ADCY2: variants seen among roughly 807,000 people sequenced by gnomAD.
ADCY2 encodes adenylate cyclase type 2.
In ADCY2, 31 loss-of-function variants were observed where a neutral mutation model predicts 125.2. The observed-to-expected ratio is 0.25, with a 90% CI of 0.19 to 0.33. The LOEUF is 0.33. Among genes scored for constraint, ADCY2 ranks in the 10% least tolerant of loss-of-function variants. ADCY2 has a pLI of 1.00. For missense variants in ADCY2, 904 were observed against 1,418.2 expected, an observed-to-expected ratio of 0.64 and a Z score of 5.82; for synonymous variants, 512 against 548.4, an observed-to-expected ratio of 0.93 and a Z score of 0.93.
At chr5:7,442,390 T>G (rs1561027711) in intron 2 of ADCY2, among the ~76,000 whole-genome samples, 1 of 152,190 alleles carries the variant, frequency 6.6e-6, no homozygotes, top group Admixed American at 6.5e-5. Context: ...GTACTGAATA[T>G]GTTCTGTAAA....
chr5:7,414,404 T>G (rs1234548793), intron 1 of ADCY2, among the ~76,000 whole-genome samples, 169 bp from the exon 2 acceptor site: 2 of 152,202 alleles, frequency 1.3e-5, no homozygotes, highest in Non-Finnish European at 2.9e-5. Context: ...TGCTTATTTA[T>G]TATGAAACTT....
intron 2 of ADCY2, among the ~76,000 whole-genome samples, chr5:7,431,003 G>A (rs1195962814): frequency 6.6e-6 from 1 of 152,090 alleles, no homozygotes; most frequent in Non-Finnish European, 1.5e-5. Context: ...TTGAGATTCA[G>A]TACAATCCTA....
intron 7 of ADCY2, among the ~76,000 whole-genome samples, chr5:7,703,401 A>G (rs1741154980): frequency 1.3e-5 from 2 of 152,298 alleles, no homozygotes; most frequent in Middle Eastern, 3.4e-3. Context: ...TAATTTTTGT[A>G]TAAGGTGTAA....
At chr5:7,622,453 G>A (rs1169216505) in intron 3 of ADCY2, among the ~76,000 whole-genome samples, 6 of 152,114 alleles carry the variant, frequency 3.9e-5, no homozygotes, top group Admixed American at 6.5e-5. Context: ...AAAGCCCTAC[G>A]TTGTATATTG....
intron 6 of ADCY2, among the ~76,000 whole-genome samples, chr5:7,696,328 A>C (rs1740891391): frequency 6.6e-6 from 1 of 152,132 alleles, no homozygotes; most frequent in Non-Finnish European, 1.5e-5. Context: ...CAAAGCCTTC[A>C]CTTACTCTTG....
chr5:7,436,256 A>C (rs966614761), intron 2 of ADCY2, among the ~76,000 whole-genome samples: 1 of 152,224 alleles, frequency 6.6e-6, no homozygotes. Flanking sequence ...TTCAGTGTCC[A>C]TGGCAACTTT....
chr5:7,582,916 C>G (rs1472266037), intron 3 of ADCY2, among the ~76,000 whole-genome samples: 1 of 152,006 alleles, frequency 6.6e-6, no homozygotes, highest in African/African-American at 2.4e-5. Flanking sequence ...GTAAAACTGT[C>G]TTTTTCATAG....
chr5:7,615,598 T>C (rs1737729112), intron 3 of ADCY2, among the ~76,000 whole-genome samples: 1 of 152,214 alleles, frequency 6.6e-6, no homozygotes, highest in Non-Finnish European at 1.5e-5. Flanking sequence ...GTATATTTAT[T>C]TACTTCATCA....
intron 2 of ADCY2, among the ~76,000 whole-genome samples, chr5:7,511,160 AAC>A (rs909204416): frequency 7.2e-5 from 11 of 152,242 alleles, no homozygotes; most frequent in African/African-American, 2.7e-4. Context: ...GACCCATCCC[AAC>A]AGTGTCCTTG....
At chr5:7,803,938 G>A (rs181559457) in intron 21 of ADCY2, among the ~76,000 whole-genome samples, 2,675 of 147,224 alleles carry the variant, frequency 0.018, 94 homozygotes, top group African/African-American at 0.063. Flanking sequence ...ATGTGTGTGT[G>A]TATATATATA....
At chr5:7,446,699 C>T (rs542662846) in intron 2 of ADCY2, among the ~76,000 whole-genome samples, 4 of 152,292 alleles carry the variant, frequency 2.6e-5, no homozygotes, top group East Asian at 3.9e-4. Context: ...TTCTTGGTCT[C>T]AGTTCTGCTG....
chr5:7,743,606 T>C lies in ADCY2; in HGVS notation c.1872-62T>C, dbSNP rs372576165. ...CTCGTTAACCCAAAAGTATTACTGG[T>C]AGCTTTCCAGAATGAGAGAAACGAT... On this transcript the variant is annotated intron_variant, in intron 14 of 24. Transcript: ENST00000338316. 1.2e-5 allele frequency: 17 copies of C among 1,478,026 alleles called. No individual in the cohort carries two copies. The African/African-American group carries it at 1.2e-4, about 11-fold the overall frequency. 91.6% of individuals were successfully genotyped at this position (1,478,026 alleles called of 1,614,324 possible).
At chr5:7,507,104 G>A (rs1474977144) in intron 2 of ADCY2, among the ~76,000 whole-genome samples, 1 of 151,376 alleles carries the variant, frequency 6.6e-6, no homozygotes, top group African/African-American at 2.4e-5. Flanking sequence ...GGGAGGGCTT[G>A]TGTTCTTCCA....
chr5:7,413,575 G>A (rs1030332584), intron 1 of ADCY2, among the ~76,000 whole-genome samples: 4 of 151,686 alleles, frequency 2.6e-5, no homozygotes, highest in African/African-American at 7.3e-5. Context: ...TGGGATTACA[G>A]GCGTGAGCCA....
chr5:7,726,958 C>T (rs1308905985), intron 13 of ADCY2, among the ~76,000 whole-genome samples: 1 of 152,120 alleles, frequency 6.6e-6, no homozygotes, highest in Non-Finnish European at 1.5e-5. Flanking sequence ...AAACTGTGGT[C>T]CTTGGAAGTC....
intron 2 of ADCY2, among the ~76,000 whole-genome samples, chr5:7,500,416 A>G (rs1400116817): frequency 6.6e-6 from 1 of 152,202 alleles, no homozygotes; most frequent in East Asian, 1.9e-4. Flanking sequence ...AAAAAGGATA[A>G]TTTACAGTGG....
At chr5:7,561,165 AT>A (rs1579574779) in intron 3 of ADCY2, among the ~76,000 whole-genome samples, 1 of 152,140 alleles carries the variant, frequency 6.6e-6, no homozygotes, top group East Asian at 1.9e-4. Context: ...AGTGATTTTC[AT>A]TTTTTATGTT....
chr5:7,685,585 T>C (rs1373463346), intron 4 of ADCY2, among the ~76,000 whole-genome samples: 6 of 152,192 alleles, frequency 3.9e-5, no homozygotes, highest in Non-Finnish European at 1.5e-5. Flanking sequence ...GAGTTTTAAC[T>C]GATTGATATG....
Position 7,802,675 on chromosome 5 carries a change from C to T in ADCY2, c.2775+311C>T, listed in dbSNP as rs1340688840. Among the ~76,000 whole-genome samples the T allele has an allele frequency of 3.9e-5, 6 of 152,170 alleles. No homozygotes were observed. Among genetic ancestry groups the T allele is most frequent in the Non-Finnish European group, 7.3e-5 (5 of 68,030 alleles). ...TTCGCGGTAAAATACTTGCCCATCC[C>T]TTTCTAGATAAAAAGATAATGAATT... On this transcript the variant is annotated intron_variant, in intron 21 of 24. Coordinates refer to ENST00000338316, the MANE Select transcript of ADCY2 (RefSeq NM_020546.3). This position sits in a 1 kb window ranked among gnomAD's most constrained non-coding sequence, Gnocchi z 4.6.
Sources: gnomAD v4.1 joint callset for allele counts (sites outside exome capture counted in the v4.1 genomes callset) on GRCh38, gnomAD v4.1.1 for gene constraint, Gnocchi (gnomAD v3.1) non-coding constraint, MANE v1.5 for transcripts, NCBI Gene and HGNC (gene_info 2026-07-23, HGNC 2026-07-21) for gene names.